LRP2: variants seen among roughly 807,000 people sequenced by gnomAD.
LRP2 encodes the protein low-density lipoprotein receptor-related protein 2.
Under a neutral mutation model 531.0 loss-of-function variants are expected in LRP2, and 172 were observed. That is an observed-to-expected ratio of 0.32 (90% confidence interval 0.29 to 0.37). LRP2 has a LOEUF of 0.37. Among genes scored for constraint, LRP2 ranks in the 10% least tolerant of loss-of-function variants. The pLI, the probability that LRP2 is intolerant of heterozygous loss-of-function variation, is 1.00. For missense variants in LRP2, 5,167 were observed against 5,868.3 expected (o/e 0.88, Z 3.90); for synonymous variants, 1,992 against 2,027.6 (o/e 0.98, Z 0.47).
intron 36 of LRP2, among the ~76,000 whole-genome samples, 190 bp downstream of exon 36, chr2:169,213,467 A>T (rs571774772): frequency 6.6e-6 from 1 of 152,254 alleles, no homozygotes; most frequent in East Asian, 1.9e-4. Context: ...GGCCTTTCAG[A>T]TGCCAAATTA....
intron 14 of LRP2, among the ~76,000 whole-genome samples, chr2:169,274,746 T>A (rs1364024067): frequency 1.3e-5 from 2 of 152,192 alleles, no homozygotes; most frequent in Non-Finnish European, 2.9e-5. Flanking sequence ...GTTTGGTTTG[T>A]GAGCTGCTAT....
At chr2:169,204,294 T>G (rs1422951366) in intron 41 of LRP2, 23 bp from the exon 42 acceptor site, 38 of 1,606,274 alleles carry the variant, frequency 2.4e-5, no homozygotes, top group Non-Finnish European at 3.1e-5. Flanking sequence ...AAAAAAAAAT[T>G]TAGAAGTTGA....
In LRP2 at chr2:169,286,373, G is replaced by C. The variant is rs188659417; in HGVS notation, c.1042+2653C>G. ...ATGTCTGTTGTGGAACTTAAAATTA[G>C]TGCCCCGGTATTAGAACACACTACT... On this transcript the variant is annotated intron_variant, in intron 9 of 78. Transcript: ENST00000649046. 3.1e-3 allele frequency among the ~76,000 whole-genome samples: 469 copies of C among 152,324 alleles called. 4 individuals carry two copies. The highest frequency in any genetic ancestry group is 3.6e-3 in the Non-Finnish European group (247 of 68,032).
intron 1 of LRP2, among the ~76,000 whole-genome samples, chr2:169,336,118 C>T (rs1246781778): frequency 6.6e-6 from 1 of 151,792 alleles, no homozygotes; most frequent in African/African-American, 2.4e-5. Context: ...TATTATTTGA[C>T]TAAAATAACA....
At position 169,323,302 on chromosome 2, in the gene LRP2, A is replaced by G. The variant is rs139647070; in HGVS notation, c.80-2418T>C. On this transcript the variant is annotated intron_variant, in intron 1 of 78. Coordinates refer to ENST00000649046, the MANE Select transcript of LRP2 (RefSeq NM_004525.3). The stretch of plus-strand genomic sequence containing the variant: ...GCCTGTTTATAACTCCCAAACGACT[A>G]TTGTTTGGAAATATCTCTCCAGAAA... Among the ~76,000 whole-genome samples, 587 of 152,276 alleles carry G rather than the reference A, an allele frequency of 3.9e-3. 4 individuals carry two copies. The highest frequency in any genetic ancestry group is 0.013 in the African/African-American group (555 of 41,536).
intron 75 of LRP2, 99 bp downstream of exon 75, chr2:169,138,478 A>T: frequency 7.6e-7 from 1 of 1,314,772 alleles, no homozygotes; most frequent in Non-Finnish European, 1.1e-6. Context: ...GAGGCCTAAT[A>T]CTGTATTTCA....
At chr2:169,201,519 T>A in intron 44 of LRP2, 109 bp downstream of exon 44, 19 of 1,468,402 alleles carry the variant, frequency 1.3e-5, no homozygotes, top group Non-Finnish European at 1.8e-5. Context: ...TTTAGATAAA[T>A]ACTTAGGGTT....
chr2:169,358,345 C>G (rs995404556), intron 1 of LRP2, among the ~76,000 whole-genome samples: 1 of 151,870 alleles, frequency 6.6e-6, no homozygotes, highest in Admixed American at 6.6e-5. Context: ...GGGCTAATTG[C>G]TTATCTGTAA....
intron 13 of LRP2, 24 bp from the exon 14 acceptor site, chr2:169,275,262 TC>T (rs752866420): frequency 3.1e-5 from 48 of 1,573,330 alleles, no homozygotes; most frequent in African/African-American, 5.4e-5. Context: ...CACATATATA[TC>T]ATACAATTTG....
intron 52 of LRP2, 36 bp downstream of exon 52, chr2:169,181,412 G>A: frequency 1.3e-6 from 2 of 1,594,740 alleles, no homozygotes; most frequent in Non-Finnish European, 8.6e-7. Context: ...GAAATAAACA[G>A]TTACACAATT....
At chr2:169,322,669 C>T (rs1684938839) in intron 1 of LRP2, among the ~76,000 whole-genome samples, 1 of 152,160 alleles carries the variant, frequency 6.6e-6, no homozygotes, top group Non-Finnish European at 1.5e-5. Flanking sequence ...TATTAAATCA[C>T]TTTTATCAAT....
intron 68 of LRP2, among the ~76,000 whole-genome samples, chr2:169,150,392 T>G (rs1306448296): frequency 6.6e-6 from 1 of 152,216 alleles, no homozygotes; most frequent in African/African-American, 2.4e-5. Context: ...TCATTTACAC[T>G]GAGATGATTT....
intron 52 of LRP2, among the ~76,000 whole-genome samples, chr2:169,181,126 G>C (rs779217451): frequency 6.6e-6 from 1 of 151,916 alleles, no homozygotes; most frequent in Non-Finnish European, 1.5e-5. Flanking sequence ...AAATTAAAGA[G>C]ATAAAAAAAA....
At chr2:169,259,904 A>G (rs1690478527) in intron 16 of LRP2, among the ~76,000 whole-genome samples, 1 of 152,058 alleles carries the variant, frequency 6.6e-6, no homozygotes, top group Non-Finnish European at 1.5e-5. Context: ...CTCTTCATTT[A>G]TTCAGCAAAT....
intron 4 of LRP2, among the ~76,000 whole-genome samples, chr2:169,297,972 AAC>A (rs10548576): frequency 0.23 from 34,169 of 149,774 alleles, 4,087 homozygotes; most frequent in Admixed American, 0.4. Flanking sequence ...AAGATTGGGA[AAC>A]ACACACACAC....
rs1164658532 is a variant in LRP2, at chr2:169,139,267, G to A, written c.13372C>T (p.Leu4458=). ...YRRTGSLLPA[L]PKLPSLSSLV... Reference sequence around the variant, plus strand: ...GAAACTGACCTTGGCAGCTTGGGCAGAGCAGGCAAAAGGGAGCCGGTCCTT... The same window carrying A: ...GAAACTGACCTTGGCAGCTTGGGCAAAGCAGGCAAAAGGGAGCCGGTCCTT... Residue 4458 remains leucine, a synonymous_variant, in exon 74 of 79, where the codon CTG becomes TTG. Transcript: ENST00000649046. 3 of 1,614,064 alleles carry A rather than the reference G, an allele frequency of 1.9e-6. No individual in the cohort carries two copies. Among genetic ancestry groups the A allele is most frequent in the African/African-American group, 1.3e-5 (1 of 74,926 alleles).
At chr2:169,263,333 C>T (rs1213740643) in intron 16 of LRP2, among the ~76,000 whole-genome samples, 2 of 152,092 alleles carry the variant, frequency 1.3e-5, no homozygotes, top group East Asian at 1.9e-4. Context: ...AGAAAATATT[C>T]GCAACCTACT....
chr2:169,183,858 T>C (rs930045151), intron 50 of LRP2, among the ~76,000 whole-genome samples: 3 of 152,090 alleles, frequency 2.0e-5, no homozygotes, highest in Non-Finnish European at 4.4e-5. Flanking sequence ...GAGAAAAAAG[T>C]TGTTTCTAAT....
rs1022180883 is a variant in LRP2, at chr2:169,244,805, A to T, written c.3318T>A (p.Pro1106=). The change falls in exon 22 of 79, where the codon CCT becomes CCA. Residue 1106 remains proline (P), a synonymous_variant. Coordinates refer to ENST00000649046, the MANE Select transcript of LRP2 (RefSeq NM_004525.3). ...SDEHNCPTHA[P]ASCLDTQYTC... The stretch of plus-strand genomic sequence containing the variant: ...TGTATTGGGTGTCAAGGCAGGAAGC[A>T]GGTGCGTGGGTGGGGCAGTTGTGCT... 2 of 1,614,130 alleles carry T rather than the reference A, an allele frequency of 1.2e-6. No homozygotes were observed. Among genetic ancestry groups the T allele is most frequent in the Non-Finnish European group, 1.7e-6 (2 of 1,180,058 alleles).
Sources: allele counts gnomAD v4.1 joint callset (sites outside exome capture counted in the v4.1 genomes callset), GRCh38; gene constraint gnomAD v4.1.1; transcripts MANE v1.5; gene names NCBI Gene and HGNC (gene_info 2026-07-23, HGNC 2026-07-21).